ARID3C: variants seen among roughly 807,000 people sequenced by gnomAD.
ARID3C encodes AT-rich interactive domain-containing protein 3C.
Under a neutral mutation model 37.9 loss-of-function variants are expected in ARID3C, and 42 were observed. The observed-to-expected ratio is 1.11, with a 90% CI of 0.87 to 1.43. The LOEUF is 1.43. ARID3C is among the 40% of genes most tolerant of loss of function. ARID3C has a pLI of 0.00. For synonymous variants in ARID3C, 213 were observed against 228.0 expected, an observed-to-expected ratio of 0.93 and a Z score of 0.59; for missense variants, 581 against 548.8, an observed-to-expected ratio of 1.06 and a Z score of -0.59.
chr9:34,631,043 TG>T (rs1288526616), upstream of ARID3C, among the ~76,000 whole-genome samples: 2 of 152,316 alleles, frequency 1.3e-5, no homozygotes, highest in African/African-American at 4.8e-5. Context: ...GGAAGTCTAC[TG>T]GAAGACTGGA....
intron 1 of ARID3C, 100 bp downstream of exon 2, chr9:34,627,597 G>A (rs1820672581): frequency 9.4e-7 from 1 of 1,064,160 alleles, no homozygotes; most frequent in Non-Finnish European, 1.4e-6. Flanking sequence ...TCATCTTGCA[G>A]AGGGTGGTGG....
At chr9:34,624,077 C>T in intron 2 of ARID3C, 30 bp from the exon 4 acceptor site, 1 of 1,551,514 alleles carries the variant, frequency 6.4e-7, no homozygotes, top group Non-Finnish European at 8.7e-7. Context: ...CGTCAGGACA[C>T]TGAGACGAAG....
exon 4 of ARID3C, chr9:34,623,563 G>C: frequency 6.2e-7 from 1 of 1,603,938 alleles, no homozygotes; most frequent in South Asian, 1.1e-5. Flanking sequence ...TGAGCGCCCC[G>C]AGGGGGCGGC....
At chr9:34,627,492 A>T (rs895472342) in intron 1 of ARID3C, among the ~76,000 whole-genome samples, 6 of 152,124 alleles carry the variant, frequency 3.9e-5, no homozygotes, top group South Asian at 2.1e-4. Flanking sequence ...AAGAAATTTT[A>T]AAAAATTAGC....
chr9:34,624,164 G>T, intron 2 of ARID3C, 117 bp from the exon 4 acceptor site: 1 of 1,265,666 alleles, frequency 7.9e-7, no homozygotes, highest in Non-Finnish European at 1.1e-6. Flanking sequence ...AGACTTGGGC[G>T]GAGCCCACAG....
At chr9:34,630,421 G>A (rs1384464841), upstream of ARID3C, among the ~76,000 whole-genome samples, 2 of 152,180 alleles carry the variant, frequency 1.3e-5, no homozygotes, top group Non-Finnish European at 2.9e-5. Flanking sequence ...GACACTGTGA[G>A]GTGATGCCAA....
intron 1 of ARID3C, among the ~76,000 whole-genome samples, chr9:34,626,540 C>T (rs1820656405): frequency 6.6e-6 from 1 of 152,158 alleles, no homozygotes; most frequent in African/African-American, 2.4e-5. Flanking sequence ...GAATACTAGT[C>T]AAGAGAACCA....
Position 34,624,050 on chromosome 9 carries a change from G to GA in ARID3C, c.392-4_392-3insT. 6.3e-7 allele frequency: 1 copy of GA among 1,578,232 alleles called. No homozygotes were observed. The highest frequency in any genetic ancestry group is 8.6e-7 in the Non-Finnish European group (1 of 1,164,670). On this transcript the variant is annotated splice_region_variant and splice_polypyrimidine_tract_variant and intron_variant, in intron 2 of 6. Coordinates refer to ENST00000378909, the Ensembl canonical transcript of ARID3C. ...GGGCACGCGGTTCACTGGCGTCCCTGGTGGGGAGCGGGCTGCCGTCAGGAC... is the reference window on the plus strand; with the variant it reads ...GGGCACGCGGTTCACTGGCGTCCCTGAGTGGGGAGCGGGCTGCCGTCAGGAC...
chr9:34,621,142 G>A (rs960015542), downstream of ARID3C, among the ~76,000 whole-genome samples: 1 of 152,186 alleles, frequency 6.6e-6, no homozygotes, highest in African/African-American at 2.4e-5. Flanking sequence ...CTCCTGAAGA[G>A]AAGCAGGGCT....
At chr9:34,621,269 G>C, downstream of ARID3C, 1 of 477,302 alleles carries the variant, frequency 2.1e-6, no homozygotes, top group South Asian at 4.0e-5. Flanking sequence ...CCAGGGAGGA[G>C]GTGCCCTCCC....
chr9:34,627,967 C>A, exon 1 of ARID3C: 1 of 1,539,304 alleles, frequency 6.5e-7, no homozygotes, highest in East Asian at 2.4e-5. Flanking sequence ...CCAATGGCCC[C>A]ACCCCCTGGG....
exon 3 of ARID3C, chr9:34,623,972 G>T: frequency 6.2e-7 from 1 of 1,605,100 alleles, no homozygotes. Flanking sequence ...GCCGCCCTTG[G>T]CGGTCACCAG....
intron 2 of ARID3C, among the ~76,000 whole-genome samples, chr9:34,624,418 A>C (rs891305648): frequency 6.6e-6 from 1 of 152,214 alleles, no homozygotes; most frequent in African/African-American, 2.4e-5. Flanking sequence ...TTGTCCCCCA[A>C]CTATTTAAAC....
At chr9:34,624,393 A>G (rs1314712977) in intron 2 of ARID3C, among the ~76,000 whole-genome samples, 1 of 152,252 alleles carries the variant, frequency 6.6e-6, no homozygotes. Context: ...TGGAGATGTT[A>G]TTCATCTTTA....
At chr9:34,630,238 C>T (rs894852776), upstream of ARID3C, among the ~76,000 whole-genome samples, 2 of 152,204 alleles carry the variant, frequency 1.3e-5, no homozygotes, top group Non-Finnish European at 2.9e-5. Context: ...CACTGCTTTG[C>T]GCCCTCCCCC....
rs776818763 is a variant in ARID3C, at chr9:34,627,741, C to CA, written c.273dup (p.Gly92TrpfsTer18). ...TAGGTCCACTCGTGGGGATGGAGTCCAGGGGGCTGGCTAGAAGGCGAGCTG... is the reference window on the plus strand; with the variant it reads ...TAGGTCCACTCGTGGGGATGGAGTCCAAGGGGGCTGGCTAGAAGGCGAGCTG... On this transcript the variant is annotated frameshift_variant, in exon 1 of 7. Coordinates refer to ENST00000378909, the Ensembl canonical transcript of ARID3C. LOFTEE classifies it high-confidence loss of function. 5.0e-5 allele frequency: 80 copies of CA among 1,613,916 alleles called. No individual in the cohort carries two copies. Among genetic ancestry groups the CA allele is most frequent in the Middle Eastern group, 1.6e-4 (1 of 6,084 alleles).
intron 2 of ARID3C, among the ~76,000 whole-genome samples, chr9:34,624,297 C>A (rs1257234929): frequency 6.6e-6 from 1 of 152,218 alleles, no homozygotes; most frequent in Non-Finnish European, 1.5e-5. Flanking sequence ...TCATTGTAGC[C>A]TAAAGGCGGC....
At chr9:34,629,655 T>G (rs1025770250), upstream of ARID3C, among the ~76,000 whole-genome samples, 2 of 152,270 alleles carry the variant, frequency 1.3e-5, no homozygotes, top group Non-Finnish European at 2.9e-5. Context: ...GTCTTTAAGC[T>G]GACTGCACAC....
At chr9:34,624,462 G>T (rs1820627595) in intron 2 of ARID3C, among the ~76,000 whole-genome samples, 1 of 152,226 alleles carries the variant, frequency 6.6e-6, no homozygotes, top group Non-Finnish European at 1.5e-5. Flanking sequence ...CAGGCAGCTG[G>T]GTTTGGCCTG....
Sources: allele counts gnomAD v4.1 joint callset (sites outside exome capture counted in the v4.1 genomes callset), GRCh38; gene constraint gnomAD v4.1.1; transcripts MANE v1.5; gene names NCBI Gene and HGNC (gene_info 2026-07-23, HGNC 2026-07-21).